The following TRPC1 variants were observed in gnomAD, a reference collection of about 807,000 sequenced individuals.
TRPC1 encodes transient receptor potential cation channel subfamily C member 1, also known as short transient receptor potential channel 1.
TRPC1 carries 42 observed loss-of-function variants against 88.2 expected under a neutral mutation model. That is an observed-to-expected ratio of 0.48 (90% CI 0.37 to 0.62). The LOEUF is 0.62. TRPC1 is among the 20% of genes least tolerant of loss of function. The pLI is 0.00. For missense variants in TRPC1, 699 were observed against 957.3 expected, an observed-to-expected ratio of 0.73 and a Z score of 3.56; for synonymous variants, 288 against 331.8, an observed-to-expected ratio of 0.87 and a Z score of 1.43.
chr3:142,767,070 C>T lies in TRPC1; in HGVS notation c.633-10562C>T, dbSNP rs1367711817. ...GCCATCTTAAAAATATTGAATTATC[C>T]AACCATTGAACATGGTATATCTCTC... On this transcript the variant is annotated intron_variant, in intron 4 of 12. Transcript: ENST00000476941. This position sits in a 1 kb window ranked among gnomAD's most constrained non-coding sequence, Gnocchi z 5.1. Among the ~76,000 whole-genome samples the T allele has an allele frequency of 6.6e-6, 1 of 152,082 alleles. No individual in the cohort carries two copies. Among genetic ancestry groups the T allele is most frequent in the Non-Finnish European group, 1.5e-5 (1 of 67,998 alleles).
In TRPC1 at chr3:142,765,270, G is replaced by T. The variant is rs139221395; in HGVS notation, c.633-12362G>T. On this transcript the variant is annotated intron_variant, in intron 4 of 12. Transcript: ENST00000476941. ...ACCCAAAGCAATTTACAGATTCAAT[G>T]CTATTCTCGTCAAACTACCAACATC... is the stretch of plus-strand genomic sequence containing the variant. Among the ~76,000 whole-genome samples the T allele has an allele frequency of 6.8e-3, 1,028 of 152,244 alleles. 6 individuals carry two copies. Among genetic ancestry groups the T allele is most frequent in the Non-Finnish European group, 7.5e-3 (512 of 67,998 alleles).
At chr3:142,794,022 A>C (rs1936374847) in intron 9 of TRPC1, 2 of 522,064 alleles carry the variant, frequency 3.8e-6, no homozygotes, top group Non-Finnish European at 4.9e-6. Context: ...ATGTTATCAC[A>C]TTAAAGCCTC....
At chr3:142,748,117 T>A (rs1934625014) in intron 3 of TRPC1, 141 bp from the exon 4 acceptor site, 2 of 787,548 alleles carry the variant, frequency 2.5e-6, no homozygotes, top group Non-Finnish European at 3.9e-6. Flanking sequence ...AAAAATTTAG[T>A]CCAAGCAAAA....
chr3:142,736,485 A>G lies in TRPC1; in HGVS notation c.279A>G (p.Glu93=), dbSNP rs748539472. The G allele has an allele frequency of 1.2e-6, 2 of 1,612,108 alleles. No homozygotes were observed. The highest frequency in any genetic ancestry group is 2.2e-5 in the South Asian group (2 of 90,768). ...GAAATGCTGTTACCATAACTATTGA[A>G]AACGAAAACTTGGATATACTGCAGC... is the stretch of plus-strand genomic sequence containing the variant. ...LGRNAVTITI[E]NENLDILQLL... Residue 93 remains glutamate, a synonymous_variant, in exon 2 of 13, where the codon GAA becomes GAG. Coordinates refer to ENST00000476941, the MANE Select transcript of TRPC1 (RefSeq NM_001251845.2).
intron 6 of TRPC1, among the ~76,000 whole-genome samples, chr3:142,783,023 A>C (rs935802635): frequency 6.6e-6 from 1 of 152,170 alleles, no homozygotes; most frequent in South Asian, 2.1e-4. Context: ...TAGTTAAATC[A>C]ATCACAAGCC....
intron 1 of TRPC1, among the ~76,000 whole-genome samples, chr3:142,731,635 C>T (rs750866935): frequency 2.0e-5 from 3 of 151,964 alleles, no homozygotes; most frequent in Non-Finnish European, 2.9e-5. Context: ...CCGCCTGCCT[C>T]AGCCTCCCAA....
chr3:142,795,836 A>AT (rs1175739248), intron 9 of TRPC1, among the ~76,000 whole-genome samples: 1 of 151,920 alleles, frequency 6.6e-6, no homozygotes, highest in East Asian at 1.9e-4. Context: ...ATAGACAGGC[A>AT]TTTTTTTGTT....
intron 4 of TRPC1, among the ~76,000 whole-genome samples, chr3:142,766,451 A>C (rs1935393325): frequency 6.9e-6 from 1 of 145,662 alleles, no homozygotes; most frequent in Admixed American, 7.0e-5. Flanking sequence ...CCCAGACTGG[A>C]GTGTAGTGTT....
chr3:142,773,826 C>T (rs923111145), intron 4 of TRPC1, among the ~76,000 whole-genome samples: 39 of 148,944 alleles, frequency 2.6e-4, no homozygotes, highest in African/African-American at 9.2e-4. Context: ...AGTGGTAAAC[C>T]TCTAATGTTG....
chr3:142,780,616 G>A (rs1306062109), intron 5 of TRPC1, among the ~76,000 whole-genome samples: 2 of 152,120 alleles, frequency 1.3e-5, no homozygotes, highest in African/African-American at 4.8e-5. Flanking sequence ...AAGATTATTA[G>A]TATGAACACA....
chr3:142,725,099 G>C (rs1028103003), intron 1 of TRPC1, among the ~76,000 whole-genome samples: 1 of 152,164 alleles, frequency 6.6e-6, no homozygotes, highest in African/African-American at 2.4e-5. Flanking sequence ...TCCGGGAGTC[G>C]AGAGGCTAGT....
rs540617063 is a variant in TRPC1 at position 142,739,668 on chromosome 3, C to T, written c.327+3135C>T. 2.0e-3 allele frequency among the ~76,000 whole-genome samples: 305 copies of T among 151,554 alleles called. 3 individuals are homozygous for T. Among genetic ancestry groups the T allele is most frequent in the Non-Finnish European group, 3.0e-3 (203 of 67,958 alleles). On this transcript the variant is annotated intron_variant, in intron 2 of 12. Transcript: ENST00000476941. ...TTAGGGGATATCATTACATGATTTT[C>T]GAGAAAGGATGTGATGTGTCCAGTG...
At chr3:142,747,913 CTTT>C (rs1226717202) in intron 3 of TRPC1, among the ~76,000 whole-genome samples, 3 of 151,900 alleles carry the variant, frequency 2.0e-5, no homozygotes, top group African/African-American at 7.3e-5. Context: ...TAACATTCTT[CTTT>C]ATTTTTGTCA....
intron 4 of TRPC1, among the ~76,000 whole-genome samples, chr3:142,764,674 T>C (rs1158346937): frequency 1.3e-5 from 2 of 152,138 alleles, no homozygotes; most frequent in Non-Finnish European, 2.9e-5. Context: ...GCTTCTTTTC[T>C]GTAGCTGATT....
At chr3:142,769,090 C>A (rs1395036265) in intron 4 of TRPC1, among the ~76,000 whole-genome samples, 1 of 152,004 alleles carries the variant, frequency 6.6e-6, no homozygotes, top group Admixed American at 6.6e-5. Context: ...TCTGAAAATT[C>A]TGTTAGTATT....
chr3:142,794,532 C>T (rs965961191), intron 9 of TRPC1, among the ~76,000 whole-genome samples: 1 of 152,040 alleles, frequency 6.6e-6, no homozygotes, highest in African/African-American at 2.4e-5. Flanking sequence ...CTCTAAGAAA[C>T]AAGAAACAAA....
intron 7 of TRPC1, among the ~76,000 whole-genome samples, chr3:142,788,474 G>T (rs1329554544): frequency 6.6e-6 from 1 of 152,080 alleles, no homozygotes; most frequent in African/African-American, 2.4e-5. Context: ...GTGTGTTGAG[G>T]GGTAGATCCT....
chr3:142,806,460 GTAGA>G lies in TRPC1; in HGVS notation c.*231_*234del, dbSNP rs373415534. The stretch of plus-strand genomic sequence containing the variant: ...TTTTTGCAGAAGCAAAACAGATTAA[GTAGA>G]TAGATTTTGTTAGCATGCTGCTTGG... On this transcript the variant is annotated 3_prime_UTR_variant, in exon 13 of 13. Coordinates refer to ENST00000476941, the MANE Select transcript of TRPC1 (RefSeq NM_001251845.2). The G allele has an allele frequency of 8.6e-3, 2,803 of 326,594 alleles. 10 individuals carry two copies. Among genetic ancestry groups the G allele is most frequent in the Middle Eastern group, 0.016 (18 of 1,102 alleles). The allele number at this position is 326,594 out of a possible 1,614,324, so 20.2% of individuals were successfully genotyped here. A position where few individuals can be genotyped will look rare whatever the true frequency, so the allele number is the denominator to read the frequency against.
chr3:142,748,568 G>C (rs1340878761), intron 4 of TRPC1, 108 bp downstream of exon 4: 7 of 1,232,348 alleles, frequency 5.7e-6, no homozygotes, highest in African/African-American at 1.5e-5. Flanking sequence ...TGATGCTGGG[G>C]TGACTTATGA....
Sources: gnomAD v4.1 joint callset for allele counts (sites outside exome capture counted in the v4.1 genomes callset) on GRCh38, gnomAD v4.1.1 for gene constraint, Gnocchi (gnomAD v3.1) non-coding constraint, MANE v1.5 for transcripts, NCBI Gene and HGNC (gene_info 2026-07-23, HGNC 2026-07-21) for gene names.